Variants in KIF7 observed in about 807,000 individuals in gnomAD.
KIF7 encodes kinesin-like protein KIF7.
In KIF7, 104 loss-of-function variants were observed where a neutral mutation model predicts 135.7. That is an observed-to-expected ratio of 0.77 (90% CI 0.65 to 0.90). KIF7 has a LOEUF of 0.90. KIF7 is among the 40% of genes least tolerant of loss of function. The pLI is 0.00. For missense variants in KIF7, 2,005 were observed against 1,839.1 expected (o/e 1.09, Z -1.65); for synonymous variants, 883 against 809.4 (o/e 1.09, Z -1.54).
chr15:89,626,130 C>G, downstream of KIF7: 1 of 1,576,896 alleles, frequency 6.3e-7, no homozygotes, highest in Non-Finnish European at 8.6e-7. Context: ...GGTTGCCAGG[C>G]AGCTCGATTC....
At position 89,648,275 on chromosome 15, in the gene KIF7, G is replaced by C; in HGVS notation, c.1423C>G (p.Gln475Glu). 1 of 1,519,344 alleles carries C rather than the reference G, an allele frequency of 6.6e-7. No individual in the cohort carries two copies. Among genetic ancestry groups the C allele is most frequent in the Non-Finnish European group, 8.8e-7 (1 of 1,136,892 alleles). 94.1% of individuals were successfully genotyped at this position (1,519,344 alleles called of 1,614,324 possible). A position where few individuals can be genotyped will look rare whatever the true frequency, so the allele number is the denominator to read the frequency against. The change falls in exon 5 of 19, where the codon CAG (glutamine) becomes GAG (glutamate). Residue 475 changes from glutamine (Q) to glutamate (E), a missense_variant. Gln to Glu is a conservative substitution (Grantham distance 29). Coordinates refer to ENST00000394412, the MANE Select transcript of KIF7 (RefSeq NM_198525.3). ...GCCACCTTTCGCCCGCCGGCCCCCT[G>C]CGCCGCCTGGTCCTCGACGGAGGCG... ...ESASVEDQAA[Q>E]GAGGRKEDEG...
chr15:89,646,877 G>C lies in KIF7; in HGVS notation c.1741C>G (p.Pro581Ala), dbSNP rs769897141. The C allele has an allele frequency of 1.2e-6, 2 of 1,613,974 alleles. No individual in the cohort carries two copies. Among genetic ancestry groups the C allele is most frequent in the Non-Finnish European group, 1.7e-6 (2 of 1,180,028 alleles). ...AHAHVLGMVP[P>A]ACLPGDEVGS... ...ACTTCATCTCCAGGGAGGCAGGCAG[G>C]CGGCACCATGCCCAGCACATGGGCG... The change falls in exon 7 of 19, where the codon CCT becomes GCT. Residue 581 changes from proline to alanine, a missense_variant. By Grantham distance (27) the Pro-to-Ala change is conservative. Transcript: ENST00000394412.
intron 6 of KIF7, among the ~76,000 whole-genome samples, chr15:89,647,297 A>G (rs1964031904): frequency 6.6e-6 from 1 of 152,140 alleles, no homozygotes; most frequent in South Asian, 2.1e-4. Context: ...AGAGGGCGCC[A>G]GGAGCAATGC....
At chr15:89,639,366 G>A (rs1042974126) in intron 11 of KIF7, among the ~76,000 whole-genome samples, 2 of 146,466 alleles carry the variant, frequency 1.4e-5, no homozygotes, top group African/African-American at 5.1e-5. Flanking sequence ...CCTACAAAAT[G>A]GGAGAAAATT....
intron 14 of KIF7, 41 bp from the exon 15 acceptor site, chr15:89,631,751 C>A: frequency 2.0e-6 from 3 of 1,511,412 alleles, no homozygotes; most frequent in Non-Finnish European, 2.7e-6. Context: ...GGAACAGGCA[C>A]TGTCCTCACA....
intron 2 of KIF7, among the ~76,000 whole-genome samples, chr15:89,617,795 G>A (rs1396691481): frequency 6.6e-6 from 1 of 151,316 alleles, no homozygotes; most frequent in East Asian, 2.0e-4. Flanking sequence ...GGGTTCAAGC[G>A]ATTCTCTTGC....
chr15:89,623,901 G>A (rs1036182201), downstream of KIF7: 3 of 1,613,960 alleles, frequency 1.9e-6, no homozygotes, highest in South Asian at 1.1e-5. Flanking sequence ...GAACTCCTAA[G>A]AGGCAAGGTA....
chr15:89,633,130 C>G lies in KIF7; in HGVS notation c.2718+11G>C. On this transcript the variant is annotated intron_variant, in intron 13 of 18. Coordinates refer to ENST00000394412, the MANE Select transcript of KIF7 (RefSeq NM_198525.3). ...AGGGGAGCCCTGGGTGCGGACACAG[C>G]CTGGCCCCACCTGCTGCTGTTCCAG... 3 of 1,601,872 alleles carry G rather than the reference C, an allele frequency of 1.9e-6. No individual in the cohort carries two copies. Among genetic ancestry groups the G allele is most frequent in the Non-Finnish European group, 2.5e-6 (3 of 1,179,756 alleles).
intron 10 of KIF7, among the ~76,000 whole-genome samples, chr15:89,643,242 A>C (rs1963953916): frequency 6.6e-6 from 1 of 152,244 alleles, no homozygotes; most frequent in African/African-American, 2.4e-5. Context: ...CTGCATGTGT[A>C]CTGACCATTT....
chr15:89,652,587 G>A lies in KIF7; in HGVS notation c.328+16C>T, dbSNP rs1464608831. 9.3e-6 allele frequency: 14 copies of A among 1,497,830 alleles called. No individual in the cohort carries two copies. Among genetic ancestry groups the A allele is most frequent in the East Asian group, 5.0e-5 (2 of 40,170 alleles). The allele number at this position is 1,497,830 out of a possible 1,614,324, so 92.8% of individuals were successfully genotyped here. On this transcript the variant is annotated intron_variant, in intron 2 of 18. Coordinates refer to ENST00000394412, the MANE Select transcript of KIF7 (RefSeq NM_198525.3). ...CTCCTTAAAGTGGGCACAGGGCCAC[G>A]AACAGGGTCACTCACCCACACTGGC...
intron 7 of KIF7, 141 bp from the exon 8 acceptor site, chr15:89,646,167 T>G (rs1964009878): frequency 1.8e-6 from 2 of 1,105,596 alleles, no homozygotes; most frequent in African/African-American, 3.1e-5. Flanking sequence ...GGCAGCCTTC[T>G]GAATCTCAAG....
chr15:89,644,206 G>C (rs921319692), intron 10 of KIF7, among the ~76,000 whole-genome samples: 1 of 151,972 alleles, frequency 6.6e-6, no homozygotes, highest in Admixed American at 6.6e-5. Context: ...AAATATAAAC[G>C]CTCCACTGGC....
In KIF7 at chr15:89,645,352, GGCT is replaced by G; in HGVS notation, c.2019_2021del (p.Ala674del). 1 of 1,614,042 alleles carries G rather than the reference GGCT, an allele frequency of 6.2e-7. No homozygotes were observed. The highest frequency in any genetic ancestry group is 8.5e-7 in the Non-Finnish European group (1 of 1,179,904). ...CCAGCTTACCTCTGGACCCTGGAAT[GGCT>G]GCATCCAACTCCTCAAGGCAAAGCT... On this transcript the variant is annotated inframe_deletion, in exon 9 of 19. Transcript: ENST00000394412.
chr15:89,633,010 G>C lies in KIF7; in HGVS notation c.2719-14C>G, dbSNP rs758104526. ...CTCCTCAATCTTCTAAGGAAAAGTA[G>C]GGAGGGAGGGAGGGAACTCAGGGCC... On this transcript the variant is annotated splice_polypyrimidine_tract_variant and intron_variant, in intron 13 of 18. Coordinates refer to ENST00000394412, the MANE Select transcript of KIF7 (RefSeq NM_198525.3). 1.3e-6 allele frequency: 2 copies of C among 1,545,656 alleles called. No individual in the cohort carries two copies. Among genetic ancestry groups the C allele is most frequent in the Non-Finnish European group, 1.8e-6 (2 of 1,131,570 alleles).
At chr15:89,636,446 G>T (rs1462231641) in intron 11 of KIF7, among the ~76,000 whole-genome samples, 1 of 124,356 alleles carries the variant, frequency 8.0e-6, no homozygotes, top group African/African-American at 3.2e-5. Flanking sequence ...CTCACATGCA[G>T]AGACACACAT....
Position 89,648,375 on chromosome 15 carries a change from G to A in KIF7, c.1323C>T (p.Arg441=). ...GLPGAAARKV[R]DWLCAVEGER... is the part of the protein sequence containing the mutation. ...CGCCCTCGACGGCGCACAGCCAGTC[G>A]CGCACCTTGCGGGCGGCGGCGCCGG... The change falls in exon 5 of 19, where the codon CGC becomes CGT. Residue 441 remains arginine, a synonymous_variant. Transcript: ENST00000394412. 2 of 1,219,294 alleles carry A rather than the reference G, an allele frequency of 1.6e-6. No homozygotes were observed. The highest frequency in any genetic ancestry group is 2.7e-5 in the South Asian group (1 of 36,486). 75.5% of individuals were successfully genotyped at this position (1,219,294 alleles called of 1,614,324 possible).
At chr15:89,655,248 G>A (rs1964190153) in intron 1 of KIF7, among the ~76,000 whole-genome samples, 151 bp downstream of exon 1, 1 of 152,204 alleles carries the variant, frequency 6.6e-6, no homozygotes, top group South Asian at 2.1e-4. Context: ...AGGCTGGGGA[G>A]CAAGGGTGCC....
rs372151159 is a variant in KIF7, at chr15:89,630,512, G to A, written c.3112-19C>T. 5.6e-5 allele frequency: 86 copies of A among 1,536,814 alleles called. No homozygotes were observed. Among genetic ancestry groups the A allele is most frequent in the African/African-American group, 3.6e-4 (26 of 72,804 alleles). ...GCTCCTCCTGCAGAGACGGGCACGC[G>A]TGGAGGAACAGCACCCACTGCCTGA... On this transcript the variant is annotated intron_variant, in intron 15 of 18. Coordinates refer to ENST00000394412, the MANE Select transcript of KIF7 (RefSeq NM_198525.3).
upstream of KIF7, among the ~76,000 whole-genome samples, chr15:89,659,275 G>C (rs1292727206): frequency 6.6e-6 from 1 of 152,044 alleles, no homozygotes; most frequent in African/African-American, 2.4e-5. Flanking sequence ...ACTCACACCT[G>C]TAATACCAGT....
Sources: gnomAD v4.1 joint callset for allele counts (sites outside exome capture counted in the v4.1 genomes callset) on GRCh38, gnomAD v4.1.1 for gene constraint, MANE v1.5 for transcripts, NCBI Gene and HGNC (gene_info 2026-07-23, HGNC 2026-07-21) for gene names.